BPIFC: variants seen among roughly 807,000 people sequenced by gnomAD.
BPIFC encodes the protein BPI fold containing family C, also known as BPI fold-containing family C protein.
Under a neutral mutation model 57.6 loss-of-function variants are expected in BPIFC, and 60 were observed. That is an observed-to-expected ratio of 1.04 (90% confidence interval 0.85 to 1.29). The LOEUF (loss-of-function observed/expected upper bound fraction) is 1.29. BPIFC is among the 50% of genes most tolerant of loss of function. BPIFC has a pLI of 0.00. For synonymous variants in BPIFC, 243 were observed against 224.5 expected (o/e 1.08, Z -0.74); for missense variants, 581 against 600.5 (o/e 0.97, Z 0.34).
intron 8 of BPIFC, among the ~76,000 whole-genome samples, chr22:32,438,658 C>T (rs547934726): frequency 6.1e-4 from 93 of 152,226 alleles, no homozygotes; most frequent in African/African-American, 5.5e-4. Context: ...TCCCAAAGTA[C>T]GGGGATTACA....
chr22:32,445,495 C>T lies in BPIFC; in HGVS notation c.594+140G>A, dbSNP rs528973155. On this transcript the variant is annotated intron_variant, in intron 7 of 16. Coordinates refer to ENST00000300399, the MANE Select transcript of BPIFC (RefSeq NM_174932.3). ...GAGCTTGCAGTGAGCGGAGATCGTG[C>T]CACTGCACTCCAGCCTGGGCGACAG... The T allele has an allele frequency of 3.6e-5, 31 of 867,658 alleles. No homozygotes were observed. In the African/African-American group the frequency reaches 4.6e-4, roughly 13 times the overall value. 53.7% of individuals were successfully genotyped at this position (867,658 alleles called of 1,614,324 possible). A position where few individuals can be genotyped will look rare whatever the true frequency, so the allele number is the denominator to read the frequency against.
intron 7 of BPIFC, among the ~76,000 whole-genome samples, chr22:32,444,879 G>T (rs967507377): frequency 6.6e-6 from 1 of 152,122 alleles, no homozygotes; most frequent in Non-Finnish European, 1.5e-5. Flanking sequence ...TCGTGTAACT[G>T]TATACTAAAT....
At chr22:32,456,310 C>G (rs1322357612) in intron 3 of BPIFC, among the ~76,000 whole-genome samples, 1 of 152,156 alleles carries the variant, frequency 6.6e-6, no homozygotes, top group Admixed American at 6.5e-5. Flanking sequence ...CAAGATGGCT[C>G]AATTTTAGAT....
chr22:32,419,803 C>CAAAA (rs34812283), intron 13 of BPIFC, among the ~76,000 whole-genome samples: 11 of 102,376 alleles, frequency 1.1e-4, no homozygotes, highest in African/African-American at 3.3e-4. Context: ...GAGACCCTGT[C>CAAAA]AAAAAAAAAA....
intron 13 of BPIFC, among the ~76,000 whole-genome samples, chr22:32,429,832 A>G (rs976842531): frequency 2.0e-5 from 3 of 152,076 alleles, no homozygotes; most frequent in Admixed American, 6.6e-5. Context: ...ATGTTTCCAC[A>G]ATAGACTTCA....
chr22:32,427,183 T>G (rs531647064), intron 13 of BPIFC, among the ~76,000 whole-genome samples: 1 of 152,288 alleles, frequency 6.6e-6, no homozygotes, highest in South Asian at 2.1e-4. Flanking sequence ...TGATGTAAAT[T>G]TATCGGCTTA....
intron 4 of BPIFC, among the ~76,000 whole-genome samples, chr22:32,452,355 G>A (rs988836128): frequency 2.1e-4 from 32 of 152,122 alleles, no homozygotes; most frequent in Non-Finnish European, 3.8e-4. Flanking sequence ...CTTGGTTTTG[G>A]GCTGGGCGTG....
chr22:32,427,973 C>T (rs996760557), intron 13 of BPIFC, among the ~76,000 whole-genome samples: 4 of 151,936 alleles, frequency 2.6e-5, no homozygotes, highest in Admixed American at 6.6e-5. Context: ...GGTGACAGAG[C>T]GAGATTCTGT....
Position 32,433,760 on chromosome 22 carries a change from A to G in BPIFC, c.937T>C (p.Phe313Leu), listed in dbSNP as rs1272320548. 6 of 1,613,818 alleles carry G rather than the reference A, an allele frequency of 3.7e-6. No homozygotes were observed. The highest frequency in any genetic ancestry group is 1.3e-5 in the African/African-American group (1 of 74,924). ...TLSTEEISNH[F>L]VQNSQGLGNV... The stretch of plus-strand genomic sequence containing the variant: ...CCAAGGCCTTGAGAGTTTTGAACAA[A>G]ATGGTTGGAAATCTGGAAAATAAAG... The change falls in exon 11 of 17, where the codon TTT becomes CTT. Residue 313 changes from phenylalanine to leucine, a missense_variant. Coordinates refer to ENST00000300399, the MANE Select transcript of BPIFC (RefSeq NM_174932.3).
At chr22:32,443,162 C>CT (rs57447537) in intron 7 of BPIFC, among the ~76,000 whole-genome samples, 702 of 133,802 alleles carry the variant, frequency 5.2e-3, no homozygotes, top group African/African-American at 6.6e-3. Flanking sequence ...AGAGCTGGAG[C>CT]TTTTTTTTTT....
At chr22:32,422,668 G>A (rs987710406) in intron 13 of BPIFC, among the ~76,000 whole-genome samples, 50 of 152,024 alleles carry the variant, frequency 3.3e-4, no homozygotes, top group African/African-American at 1.2e-3. Context: ...AGATCATACC[G>A]CTGCATTTCA....
At chr22:32,424,276 A>G (rs569323824) in intron 13 of BPIFC, among the ~76,000 whole-genome samples, 1 of 152,192 alleles carries the variant, frequency 6.6e-6, no homozygotes, top group Non-Finnish European at 1.5e-5. Context: ...CTGACTCCAG[A>G]GACTGTGCTC....
chr22:32,458,082 CTT>C (rs1017510012), intron 2 of BPIFC, among the ~76,000 whole-genome samples: 35 of 152,122 alleles, frequency 2.3e-4, no homozygotes, highest in African/African-American at 8.2e-4. Context: ...CATTAAAGCC[CTT>C]CAGTGGTTCC....
At chr22:32,446,076 C>G in intron 5 of BPIFC, 80 bp from the exon 6 acceptor site, 6 of 1,525,096 alleles carry the variant, frequency 3.9e-6, no homozygotes, top group Middle Eastern at 2.1e-4. Context: ...CCCAGAGACT[C>G]TAAGCTCCTG....
chr22:32,417,782 G>A (rs773246263), intron 14 of BPIFC, among the ~76,000 whole-genome samples: 3 of 152,096 alleles, frequency 2.0e-5, no homozygotes, highest in Admixed American at 6.6e-5. Flanking sequence ...TACTTACTGG[G>A]AATCTCGGCC....
chr22:32,424,663 T>TCCTCCTCCTCCTCCTCCTCCTCCTCC (rs1569448014), intron 13 of BPIFC, among the ~76,000 whole-genome samples: 5 of 67,422 alleles, frequency 7.4e-5, no homozygotes, highest in Non-Finnish European at 1.0e-4. Context: ...CTTCTTCTTC[T>TCCTCCTCCTCCTCCTCCTCCTCCTCC]TCTTCTTCTT....
chr22:32,446,998 A>T (rs1234580875), intron 5 of BPIFC, among the ~76,000 whole-genome samples: 3 of 152,212 alleles, frequency 2.0e-5, no homozygotes, highest in Non-Finnish European at 4.4e-5. Flanking sequence ...ACATTTGATC[A>T]TATGCTCTGC....
intron 2 of BPIFC, among the ~76,000 whole-genome samples, chr22:32,459,194 C>T (rs899229384): frequency 6.6e-6 from 1 of 152,110 alleles, no homozygotes; most frequent in Non-Finnish European, 1.5e-5. Flanking sequence ...TGAAACAAAT[C>T]AAGGAAGGCC....
At chr22:32,458,089 G>C (rs1159904484) in intron 2 of BPIFC, among the ~76,000 whole-genome samples, 1 of 152,090 alleles carries the variant, frequency 6.6e-6, no homozygotes, top group Admixed American at 6.6e-5. Context: ...GCCCTTCAGT[G>C]GTTCCCCTTC....
Sources: gnomAD v4.1 joint callset for allele counts (sites outside exome capture counted in the v4.1 genomes callset) on GRCh38, gnomAD v4.1.1 for gene constraint, MANE v1.5 for transcripts, NCBI Gene and HGNC (gene_info 2026-07-23, HGNC 2026-07-21) for gene names.